CLVS1: variants seen among roughly 807,000 people sequenced by gnomAD.
CLVS1 encodes clavesin 1.
CLVS1 carries 10 observed loss-of-function variants against 33.1 expected under a neutral mutation model. The observed-to-expected ratio is 0.30, with a 90% CI of 0.19 to 0.51. CLVS1 has a LOEUF of 0.51. Among genes scored for constraint, CLVS1 ranks in the 20% least tolerant of loss-of-function variants. The probability of loss-of-function intolerance (pLI) is 0.97; values close to 1 mark genes in which losing one functional copy is unlikely to be tolerated. For synonymous variants in CLVS1, 163 were observed against 166.1 expected, an observed-to-expected ratio of 0.98 and a Z score of 0.14; for missense variants, 343 against 433.4, an observed-to-expected ratio of 0.79 and a Z score of 1.85.
At chr8:61,236,311 G>A (rs1808558013) in intron 2 of CLVS1, among the ~76,000 whole-genome samples, 1 of 152,192 alleles carries the variant, frequency 6.6e-6, no homozygotes, top group South Asian at 2.1e-4. Context: ...GCTCAGAGAG[G>A]CAGTAGATGT....
chr8:61,196,660 A>G lies in CLVS1; in HGVS notation c.-152+64800A>G, dbSNP rs372379247. 3.3e-5 allele frequency among the ~76,000 whole-genome samples: 5 copies of G among 152,328 alleles called. No individual in the cohort carries two copies. The East Asian group carries it at 5.8e-4, about 18-fold the overall frequency. On this transcript the variant is annotated intron_variant, in intron 2 of 2. Coordinates refer to the CLVS1 transcript ENST00000522621. ...CAGACATTATCTCCAGCTTGAGTGT[A>G]TGGTGGCTACAGTCAGGGACAATGG...
intron 2 of CLVS1, among the ~76,000 whole-genome samples, chr8:61,223,242 C>T (rs1808259195): frequency 6.6e-6 from 1 of 152,124 alleles, no homozygotes; most frequent in African/African-American, 2.4e-5. Context: ...GGTTATTTTG[C>T]ACACTAGTTG....
At chr8:61,178,096 T>G (rs1055053170) in intron 2 of CLVS1, among the ~76,000 whole-genome samples, 2 of 152,214 alleles carry the variant, frequency 1.3e-5, no homozygotes, top group African/African-American at 2.4e-5. Context: ...GCTAAGAACC[T>G]TGATAAAAGG....
chr8:60,983,846 T>C, the CLVS1 span, among the ~76,000 whole-genome samples: 1 of 152,302 alleles, frequency 6.6e-6, no homozygotes, highest in Admixed American at 6.5e-5. Flanking sequence ...GACCCCCACT[T>C]CCTCCTAAAG....
intron 2 of CLVS1, among the ~76,000 whole-genome samples, chr8:61,345,305 T>A (rs988895093): frequency 4.6e-5 from 7 of 152,348 alleles, no homozygotes; most frequent in Admixed American, 3.3e-4. Context: ...ATAACTCTTA[T>A]GAAAACTCCT....
chr8:61,047,666 A>C, the CLVS1 span, among the ~76,000 whole-genome samples: 3 of 152,204 alleles, frequency 2.0e-5, no homozygotes, highest in Non-Finnish European at 2.9e-5. Flanking sequence ...ATTGGAAATC[A>C]TCATTCTCAG....
chr8:61,196,221 T>G (rs1162562317), intron 2 of CLVS1, among the ~76,000 whole-genome samples: 1 of 152,182 alleles, frequency 6.6e-6, no homozygotes, highest in African/African-American at 2.4e-5. Flanking sequence ...CACCATAGAA[T>G]TTCTCTTCTA....
At chr8:61,289,094 G>A (rs1809882604) in intron 1 of CLVS1, among the ~76,000 whole-genome samples, 1 of 152,230 alleles carries the variant, frequency 6.6e-6, no homozygotes, top group East Asian at 1.9e-4. Context: ...GGCAAAAGTA[G>A]TAATGATATT....
chr8:61,321,445 T>G (rs1477174083), intron 2 of CLVS1, among the ~76,000 whole-genome samples: 6 of 151,988 alleles, frequency 3.9e-5, no homozygotes, highest in Non-Finnish European at 7.4e-5. Flanking sequence ...ATTCTTCTTC[T>G]TCCTCTTTTT....
At chr8:61,012,322 T>G in the CLVS1 span, among the ~76,000 whole-genome samples, 1 of 152,224 alleles carries the variant, frequency 6.6e-6, no homozygotes, top group African/African-American at 2.4e-5. Flanking sequence ...TTTCCTCCCA[T>G]TTAAAGAACA....
intron 2 of CLVS1, among the ~76,000 whole-genome samples, chr8:61,132,442 C>T (rs1806118425): frequency 6.6e-6 from 1 of 152,196 alleles, no homozygotes; most frequent in Admixed American, 6.5e-5. Flanking sequence ...AGGCTTTGGG[C>T]AGGAGGTTCT....
At chr8:61,404,035 G>A (rs1814879924) in intron 3 of CLVS1, among the ~76,000 whole-genome samples, 1 of 152,332 alleles carries the variant, frequency 6.6e-6, no homozygotes, top group South Asian at 2.1e-4. Flanking sequence ...ATGGGAATAA[G>A]CAGAGTGAGT....
intron 2 of CLVS1, among the ~76,000 whole-genome samples, chr8:61,178,615 C>T (rs1180449694): frequency 2.6e-5 from 4 of 152,136 alleles, no homozygotes; most frequent in Non-Finnish European, 5.9e-5. Flanking sequence ...AGGTCACCTA[C>T]AAAGGGAAGC....
chr8:61,114,872 T>C (rs1447049708), intron 1 of CLVS1, among the ~76,000 whole-genome samples: 1 of 152,214 alleles, frequency 6.6e-6, no homozygotes, highest in Non-Finnish European at 1.5e-5. Context: ...AAAACAAATA[T>C]AACAACAAAA....
At chr8:61,458,179 T>A (rs1303649404) in intron 4 of CLVS1, 128 bp from the exon 5 acceptor site, 3 of 656,298 alleles carry the variant, frequency 4.6e-6, no homozygotes, top group Non-Finnish European at 7.9e-6. Context: ...ACAAAATCAA[T>A]GCCTCTTTAA....
intron 2 of CLVS1, among the ~76,000 whole-genome samples, chr8:61,324,166 C>T (rs796533482): frequency 3.0e-4 from 45 of 152,150 alleles, no homozygotes; most frequent in African/African-American, 1.1e-3. Flanking sequence ...TGTGGTTTGG[C>T]ACTGTGTCCC....
intron 1 of CLVS1, among the ~76,000 whole-genome samples, chr8:61,124,046 A>C (rs1301530663): frequency 6.6e-6 from 1 of 152,228 alleles, no homozygotes; most frequent in Non-Finnish European, 1.5e-5. Context: ...CTTTCAAAGC[A>C]AAATTTATCT....
intron 2 of CLVS1, among the ~76,000 whole-genome samples, chr8:61,147,836 G>A (rs1806449977): frequency 1.3e-5 from 2 of 152,174 alleles, no homozygotes; most frequent in African/African-American, 4.8e-5. Context: ...TTGTATCATA[G>A]GAAAGTGAGA....
At chr8:61,091,847 C>T in intron 1 of CLVS1, among the ~76,000 whole-genome samples, 1 of 152,142 alleles carries the variant, frequency 6.6e-6, no homozygotes, top group East Asian at 1.9e-4. Context: ...CTTATAAAAT[C>T]CTGATAGGAA....
Sources: gnomAD v4.1 joint callset for allele counts (sites outside exome capture counted in the v4.1 genomes callset) on GRCh38, gnomAD v4.1.1 for gene constraint, MANE v1.5 for transcripts, NCBI Gene and HGNC (gene_info 2026-07-23, HGNC 2026-07-21) for gene names.